Variants in UGGT1 observed in about 807,000 individuals in gnomAD.
UGGT1 encodes the protein UDP-glucose glycoprotein glucosyltransferase 1.
A neutral mutation model predicts 203.9 loss-of-function variants in UGGT1; 107 were observed. The ratio of observed to expected loss-of-function variants is 0.52; its 90% CI spans 0.45 to 0.62. UGGT1 has a LOEUF of 0.62. Ranked by LOEUF, UGGT1 falls within the 20% of genes least tolerant of loss-of-function variation. The pLI is 0.00. For missense variants in UGGT1, 1,673 were observed against 1,867.2 expected (o/e 0.90, Z 1.92); for synonymous variants, 628 against 653.5 (o/e 0.96, Z 0.59).
chr2:128,115,142 G>C lies in UGGT1; in HGVS notation c.715G>C (p.Val239Leu), dbSNP rs146323756. The C allele has an allele frequency of 1.2e-6, 2 of 1,613,930 alleles. No homozygotes were observed. Among genetic ancestry groups the C allele is most frequent in the Admixed American group, 1.7e-5 (1 of 60,004 alleles). The change falls in exon 7 of 41, where the codon GTT (valine) becomes CTT (leucine). Residue 239 changes from valine to leucine, a missense_variant. Transcript: ENST00000259253. Reference sequence around the variant, plus strand: ...CTTGCAGAATCCCAGGAAGGAGCCTGTTTACCTCTCTGGCTATGGCGTGGA... The same window carrying C: ...CTTGCAGAATCCCAGGAAGGAGCCTCTTTACCTCTCTGGCTATGGCGTGGA... ...HYIFNPRKEP[V>L]YLSGYGVELA...
intron 22 of UGGT1, among the ~76,000 whole-genome samples, chr2:128,158,963 T>C (rs1256152305): frequency 2.0e-5 from 3 of 152,152 alleles, no homozygotes; most frequent in East Asian, 3.8e-4. Flanking sequence ...CTGTAATTTA[T>C]GCTATATTTA....
intron 22 of UGGT1, 92 bp downstream of exon 22, chr2:128,157,438 T>A (rs1573589218): frequency 1.1e-6 from 1 of 950,222 alleles, no homozygotes; most frequent in East Asian, 2.4e-5. Flanking sequence ...TCAGTGGGAG[T>A]TGGGAGTCCT....
Position 128,129,130 on chromosome 2 carries a change from A to T in UGGT1, c.1328A>T (p.Gln443Leu). ...SLHNVLKLNI[Q>L]PSEADYAVDI... ...CATAATGTTTTGAAGCTGAACATCC[A>T]GCCCTCTGAGGCAGACTATGCCGTA... is the stretch of plus-strand genomic sequence containing the variant. Residue 443 changes from glutamine (Q) to leucine (L), a missense_variant, in exon 13 of 41, where the codon CAG becomes CTG. Physicochemically the swap from Gln to Leu is moderately radical, Grantham distance 113. Coordinates refer to ENST00000259253, the MANE Select transcript of UGGT1 (RefSeq NM_020120.4). 1 of 1,614,150 alleles carries T rather than the reference A, an allele frequency of 6.2e-7. No individual in the cohort carries two copies. Among genetic ancestry groups the T allele is most frequent in the Non-Finnish European group, 8.5e-7 (1 of 1,180,026 alleles).
At chr2:128,129,385 G>C (rs1688768115) in intron 13 of UGGT1, among the ~76,000 whole-genome samples, 1 of 146,458 alleles carries the variant, frequency 6.8e-6, no homozygotes, top group South Asian at 2.1e-4. Context: ...TGCTAATGTG[G>C]TTAAGACAGT....
At chr2:128,188,698 C>T (rs1488977433) in intron 40 of UGGT1, among the ~76,000 whole-genome samples, 1 of 152,154 alleles carries the variant, frequency 6.6e-6, no homozygotes, top group Non-Finnish European at 1.5e-5. Context: ...TAATCCTAGC[C>T]TCTCAGGAGG....
rs1280167909 is a variant in UGGT1 at position 128,166,628 on chromosome 2, G to A, written c.2921+1803G>A. On this transcript the variant is annotated intron_variant, in intron 26 of 40. Coordinates refer to ENST00000259253, the MANE Select transcript of UGGT1 (RefSeq NM_020120.4). ...TTGCCATTTTTTTTCCTAGTCTTTT[G>A]TCTTTTATGATGACATTTTTTAAGA... Among the ~76,000 whole-genome samples the A allele has an allele frequency of 5.3e-5, 8 of 151,782 alleles. No homozygotes were observed. In the East Asian group the frequency reaches 1.5e-3, roughly 29 times the overall value.
At chr2:128,092,920 T>A (rs1160574237) in intron 1 of UGGT1, among the ~76,000 whole-genome samples, 3 of 152,232 alleles carry the variant, frequency 2.0e-5, no homozygotes, top group Non-Finnish European at 4.4e-5. Flanking sequence ...ACATGGCACA[T>A]TCTGTTGGCC....
At position 128,170,384 on chromosome 2, in the gene UGGT1, G is replaced by A. The variant is rs889892241; in HGVS notation, c.3018G>A (p.Leu1006=). The change falls in exon 27 of 41, where the codon TTG becomes TTA. Residue 1006 remains leucine (L), a synonymous_variant. Transcript: ENST00000259253. ...VTREAQRLAP[L]LLVLAQLINM... is the part of the protein sequence containing the mutation. ...GAGAAGCACAGAGACTTGCTCCTTTGCTCTTGGTAGGAACGCTGTGCAGGA... is the reference window on the plus strand; with the variant it reads ...GAGAAGCACAGAGACTTGCTCCTTTACTCTTGGTAGGAACGCTGTGCAGGA... The A allele has an allele frequency of 1.4e-5, 22 of 1,613,848 alleles. No homozygotes were observed. Among genetic ancestry groups the A allele is most frequent in the African/African-American group, 4.0e-5 (3 of 74,912 alleles).
intron 25 of UGGT1, among the ~76,000 whole-genome samples, chr2:128,163,373 GTTTTTT>G (rs5834199): frequency 8.8e-6 from 1 of 114,162 alleles, no homozygotes; most frequent in Non-Finnish European, 1.8e-5. Flanking sequence ...AAATTGGAGT[GTTTTTT>G]TTTTTTTTTT....
At chr2:128,154,802 T>G (rs1690149978) in intron 19 of UGGT1, among the ~76,000 whole-genome samples, 1 of 152,158 alleles carries the variant, frequency 6.6e-6, no homozygotes, top group Non-Finnish European at 1.5e-5. Flanking sequence ...CTGACATTTG[T>G]ATAGGGTGCA....
intron 32 of UGGT1, among the ~76,000 whole-genome samples, chr2:128,177,144 G>A (rs1251684407): frequency 6.6e-6 from 1 of 151,980 alleles, no homozygotes; most frequent in Non-Finnish European, 1.5e-5. Context: ...TAGATGCTAT[G>A]TTGTTTATAT....
intron 18 of UGGT1, among the ~76,000 whole-genome samples, chr2:128,146,592 A>G (rs1226427244): frequency 6.6e-6 from 1 of 152,042 alleles, no homozygotes; most frequent in East Asian, 1.9e-4. Flanking sequence ...CTTGAGATAT[A>G]ATTCAGACAG....
At chr2:128,188,668 G>A (rs910143131) in intron 40 of UGGT1, among the ~76,000 whole-genome samples, 1 of 152,156 alleles carries the variant, frequency 6.6e-6, no homozygotes, top group Non-Finnish European at 1.5e-5. Flanking sequence ...AAAGTGGCTG[G>A]GCACAGTGGC....
chr2:128,163,377 T>G (rs1387216860), intron 25 of UGGT1, among the ~76,000 whole-genome samples: 3 of 151,570 alleles, frequency 2.0e-5, no homozygotes, highest in Non-Finnish European at 4.4e-5. Context: ...TGGAGTGTTT[T>G]TTTTTTTTTT....
intron 20 of UGGT1, 136 bp from the exon 21 acceptor site, chr2:128,156,256 A>G (rs1479807001): frequency 4.4e-6 from 3 of 685,650 alleles, no homozygotes; most frequent in African/African-American, 1.9e-5. Context: ...GGACAGCGCC[A>G]TGACACCGAC....
intron 12 of UGGT1, among the ~76,000 whole-genome samples, chr2:128,128,510 C>T (rs1285053978): frequency 6.6e-6 from 1 of 152,134 alleles, no homozygotes; most frequent in Non-Finnish European, 1.5e-5. Context: ...GATGGGGTTT[C>T]ACCATGTTGG....
At chr2:128,116,035 A>G (rs1479549642) in intron 7 of UGGT1, among the ~76,000 whole-genome samples, 6 of 152,150 alleles carry the variant, frequency 3.9e-5, no homozygotes, top group African/African-American at 1.4e-4. Flanking sequence ...TTTAAGGAAA[A>G]ATGCATTCTT....
chr2:128,169,109 G>C (rs1008613803), intron 26 of UGGT1, among the ~76,000 whole-genome samples: 2 of 140,954 alleles, frequency 1.4e-5, no homozygotes, highest in Non-Finnish European at 3.0e-5. Context: ...ACCAGGTGTG[G>C]TGGCTTATGC....
intron 2 of UGGT1, among the ~76,000 whole-genome samples, chr2:128,098,540 G>C (rs1259810788): frequency 6.6e-6 from 1 of 152,144 alleles, no homozygotes; most frequent in Non-Finnish European, 1.5e-5. Flanking sequence ...TGGATTGCTT[G>C]AGTCCAGGAA....
Sources: allele counts gnomAD v4.1 joint callset (sites outside exome capture counted in the v4.1 genomes callset), GRCh38; gene constraint gnomAD v4.1.1; transcripts MANE v1.5; gene names NCBI Gene and HGNC (gene_info 2026-07-23, HGNC 2026-07-21).